The following ENTREP2 variants were observed in gnomAD, a reference collection of about 807,000 sequenced individuals.
ENTREP2 encodes endosomal transmembrane epsin interactor 2.
the ENTREP2 span, among the ~76,000 whole-genome samples, chr15:29,432,905 T>G: frequency 6.6e-6 from 1 of 152,222 alleles, no homozygotes; most frequent in African/African-American, 2.4e-5. Context: ...CCTGGGCATC[T>G]ACCCCCAACA....
At chr15:29,157,860 G>A in the ENTREP2 span, among the ~76,000 whole-genome samples, 3 of 151,630 alleles carry the variant, frequency 2.0e-5, no homozygotes, top group Admixed American at 2.0e-4. Context: ...CTCCCGAGTA[G>A]CTGGGATTAC....
chr15:29,600,073 G>A, the ENTREP2 span, among the ~76,000 whole-genome samples: 1 of 152,202 alleles, frequency 6.6e-6, no homozygotes, highest in Non-Finnish European at 1.5e-5. Flanking sequence ...GTAAAGGTGA[G>A]GGTAGCCTCT....
At chr15:29,645,028 G>A in the ENTREP2 span, among the ~76,000 whole-genome samples, 78 of 152,086 alleles carry the variant, frequency 5.1e-4, no homozygotes, top group African/African-American at 1.6e-3. Flanking sequence ...ACCAGACTGG[G>A]AAACACGGCA....
the ENTREP2 span, among the ~76,000 whole-genome samples, chr15:29,495,739 G>C: frequency 6.6e-6 from 1 of 152,054 alleles, no homozygotes; most frequent in African/African-American, 2.4e-5. Flanking sequence ...GTTTATTTAT[G>C]GGCTTTCTAT....
At chr15:29,356,424 G>A in the ENTREP2 span, among the ~76,000 whole-genome samples, 113 of 143,094 alleles carry the variant, frequency 7.9e-4, no homozygotes, top group African/African-American at 2.6e-3. Flanking sequence ...CTCCCACCTC[G>A]CCTCCCGAGT....
At chr15:29,555,433 T>A in the ENTREP2 span, among the ~76,000 whole-genome samples, 1 of 152,228 alleles carries the variant, frequency 6.6e-6, no homozygotes, top group Non-Finnish European at 1.5e-5. Context: ...AATAACTGAA[T>A]GGTATTTTTT....
the ENTREP2 span, among the ~76,000 whole-genome samples, chr15:29,475,353 G>A: frequency 1.4e-4 from 21 of 152,302 alleles, no homozygotes; most frequent in African/African-American, 4.6e-4. Flanking sequence ...TCCCTGCACA[G>A]GGCTGAGTCC....
the ENTREP2 span, among the ~76,000 whole-genome samples, chr15:29,300,485 T>C: frequency 6.6e-6 from 1 of 152,162 alleles, no homozygotes; most frequent in African/African-American, 2.4e-5. Context: ...TGGTAGATAA[T>C]CACTGGGTTA....
At chr15:29,642,451 T>TAC in the ENTREP2 span, among the ~76,000 whole-genome samples, 2 of 148,720 alleles carry the variant, frequency 1.3e-5, no homozygotes, top group Admixed American at 6.8e-5. Flanking sequence ...CATATATATA[T>TAC]ACACACACAC....
At chr15:29,344,401 T>C in the ENTREP2 span, among the ~76,000 whole-genome samples, 2 of 152,222 alleles carry the variant, frequency 1.3e-5, no homozygotes, top group African/African-American at 4.8e-5. Flanking sequence ...ATCTTGTTTG[T>C]AGCAGGGAAC....
chr15:29,619,651 CA>C, the ENTREP2 span, among the ~76,000 whole-genome samples: 2 of 151,958 alleles, frequency 1.3e-5, no homozygotes, highest in African/African-American at 4.8e-5. Context: ...CAGTAGTGGA[CA>C]AATGGAACTC....
chr15:29,467,532 C>T, the ENTREP2 span, among the ~76,000 whole-genome samples: 1 of 152,108 alleles, frequency 6.6e-6, no homozygotes, highest in Non-Finnish European at 1.5e-5. Context: ...GTGTGAGATG[C>T]AGGTTAAGAG....
At chr15:29,657,166 T>A in the ENTREP2 span, among the ~76,000 whole-genome samples, 6 of 151,340 alleles carry the variant, frequency 4.0e-5, no homozygotes, top group Non-Finnish European at 7.4e-5. Flanking sequence ...TCCTGCCTCC[T>A]CCTCCTGAGC....
the ENTREP2 span, among the ~76,000 whole-genome samples, chr15:29,324,051 G>A: frequency 7.9e-3 from 1,193 of 151,450 alleles, 10 homozygotes; most frequent in Middle Eastern, 0.017. Flanking sequence ...AGAAAGGGCA[G>A]GGAAAAAAAG....
chr15:29,628,381 T>G, the ENTREP2 span, among the ~76,000 whole-genome samples: 1 of 152,222 alleles, frequency 6.6e-6, no homozygotes, highest in Non-Finnish European at 1.5e-5. Flanking sequence ...CAGGAAATTA[T>G]TCTATGTGAT....
At chr15:29,459,560 A>G in the ENTREP2 span, among the ~76,000 whole-genome samples, 1 of 152,344 alleles carries the variant, frequency 6.6e-6, no homozygotes, top group Non-Finnish European at 1.5e-5. Context: ...TATAAAGATT[A>G]TCGCCAACAG....
chr15:29,177,310 C>T, the ENTREP2 span, among the ~76,000 whole-genome samples: 7 of 152,112 alleles, frequency 4.6e-5, no homozygotes, highest in Non-Finnish European at 8.8e-5. Flanking sequence ...ACGGGAAGGA[C>T]AGGGCTTCTA....
chr15:29,558,926 T>C, the ENTREP2 span, among the ~76,000 whole-genome samples: 1 of 151,966 alleles, frequency 6.6e-6, no homozygotes, highest in Non-Finnish European at 1.5e-5. Flanking sequence ...ATAACGCATA[T>C]ACAAAAGATG....
At chr15:29,125,016 C>T in the ENTREP2 span, among the ~76,000 whole-genome samples, 9 of 152,304 alleles carry the variant, frequency 5.9e-5, no homozygotes, top group African/African-American at 1.9e-4. Flanking sequence ...AGCCCAGCAC[C>T]CTTCATGGGA....
Sources: gnomAD v4.1 joint callset for allele counts (sites outside exome capture counted in the v4.1 genomes callset) on GRCh38, gnomAD v4.1.1 for gene constraint, MANE v1.5 for transcripts, NCBI Gene and HGNC (gene_info 2026-07-23, HGNC 2026-07-21) for gene names.